Variants in CHRM3 observed in about 807,000 individuals in gnomAD.
CHRM3 encodes cholinergic receptor muscarinic 3.
Under a neutral mutation model 41.8 loss-of-function variants are expected in CHRM3, and 11 were observed. That is an observed-to-expected ratio of 0.26 (90% CI 0.17 to 0.44). The LOEUF (loss-of-function observed/expected upper bound fraction) is 0.44. Among genes scored for constraint, CHRM3 ranks in the 20% least tolerant of loss-of-function variants. The pLI is 1.00. For missense variants in CHRM3, 571 were observed against 745.4 expected (o/e 0.77, Z 2.72); for synonymous variants, 297 against 301.4 (o/e 0.99, Z 0.15).
intron 3 of CHRM3, among the ~76,000 whole-genome samples, chr1:239,548,361 C>T (rs1659491370): frequency 6.6e-6 from 1 of 152,192 alleles, no homozygotes; most frequent in South Asian, 2.1e-4. Flanking sequence ...TCACTTCTTC[C>T]TTATAAACCA....
chr1:239,693,957 G>A (rs187858332), intron 5 of CHRM3, among the ~76,000 whole-genome samples: 186 of 152,210 alleles, frequency 1.2e-3, no homozygotes, highest in South Asian at 3.5e-3. Context: ...ATGAATGACA[G>A]AAAGCCATAT....
chr1:239,536,904 C>A (rs1470150642), intron 2 of CHRM3, among the ~76,000 whole-genome samples: 1 of 152,148 alleles, frequency 6.6e-6, no homozygotes, highest in African/African-American at 2.4e-5. Context: ...TTGATGTATA[C>A]TGATAGAAAG....
chr1:239,757,724 A>G (rs1572195917), intron 5 of CHRM3, among the ~76,000 whole-genome samples: 1 of 152,340 alleles, frequency 6.6e-6, no homozygotes, highest in East Asian at 1.9e-4. Context: ...GTAGAAGTTC[A>G]ATAAAAGCCA....
At chr1:239,417,378 T>C (rs1661572267) in intron 1 of CHRM3, among the ~76,000 whole-genome samples, 2 of 152,180 alleles carry the variant, frequency 1.3e-5, no homozygotes, top group Non-Finnish European at 2.9e-5. Flanking sequence ...TATTTCTACA[T>C]GCCCTTCTGA....
chr1:239,460,869 A>G (rs1458519202), intron 1 of CHRM3, among the ~76,000 whole-genome samples: 4 of 152,348 alleles, frequency 2.6e-5, no homozygotes, highest in East Asian at 1.9e-4. Context: ...AGACAAATGT[A>G]TAGTGATTCC....
chr1:239,458,368 C>T (rs991232378), intron 1 of CHRM3, among the ~76,000 whole-genome samples: 3 of 152,056 alleles, frequency 2.0e-5, no homozygotes, highest in Non-Finnish European at 2.9e-5. Flanking sequence ...TGCTGTGTTT[C>T]GGGAAGTGGT....
intron 3 of CHRM3, among the ~76,000 whole-genome samples, chr1:239,598,226 T>G (rs992147599): frequency 6.6e-6 from 1 of 152,188 alleles, no homozygotes; most frequent in African/African-American, 2.4e-5. Flanking sequence ...TCTCCTATTA[T>G]TATTATTGTT....
chr1:239,658,218 C>A lies in CHRM3; in HGVS notation c.-249-19968C>A, dbSNP rs187172438. 2.5e-3 allele frequency among the ~76,000 whole-genome samples: 379 copies of A among 152,264 alleles called. 2 individuals are homozygous for A. The highest frequency in any genetic ancestry group is 8.3e-3 in the African/African-American group (345 of 41,566). On this transcript the variant is annotated intron_variant, in intron 4 of 6. Transcript: ENST00000676153. ...TCAAACAATAAAGCGAGTTTACTATCATAAAACAAATCTGTAGCTTTAAAA... is the reference window on the plus strand; with the variant it reads ...TCAAACAATAAAGCGAGTTTACTATAATAAAACAAATCTGTAGCTTTAAAA...
At chr1:239,421,075 C>G (rs1420754559) in intron 1 of CHRM3, among the ~76,000 whole-genome samples, 1 of 152,122 alleles carries the variant, frequency 6.6e-6, no homozygotes, top group Admixed American at 6.5e-5. Context: ...AGGAAATAAA[C>G]AATGATATAT....
At chr1:239,838,252 A>G (rs1377544558) in intron 6 of CHRM3, among the ~76,000 whole-genome samples, 1 of 152,190 alleles carries the variant, frequency 6.6e-6, no homozygotes, top group East Asian at 1.9e-4. Context: ...AGTAACTTTG[A>G]GTCACCCAAT....
chr1:239,428,629 A>G (rs1558216524), intron 1 of CHRM3, among the ~76,000 whole-genome samples: 1 of 152,204 alleles, frequency 6.6e-6, no homozygotes, highest in East Asian at 1.9e-4. Flanking sequence ...AAATTTTTTC[A>G]TCGTGTACTG....
chr1:239,600,553 TAAAG>T (rs1285286890), intron 3 of CHRM3, among the ~76,000 whole-genome samples: 1 of 152,196 alleles, frequency 6.6e-6, no homozygotes, highest in Non-Finnish European at 1.5e-5. Context: ...TGTTTTAACT[TAAAG>T]AAAAGAAGGG....
intron 5 of CHRM3, among the ~76,000 whole-genome samples, chr1:239,702,802 T>G (rs1012465544): frequency 6.6e-6 from 1 of 152,194 alleles, no homozygotes; most frequent in Non-Finnish European, 1.5e-5. Context: ...TTAATTCACT[T>G]AGTTATATAT....
intron 3 of CHRM3, among the ~76,000 whole-genome samples, chr1:239,625,042 C>G (rs1668882919): frequency 8.9e-5 from 5 of 56,236 alleles, no homozygotes; most frequent in Admixed American, 1.9e-4. Context: ...TGAAGAAAGT[C>G]ATTGGTAGCT....
intron 5 of CHRM3, among the ~76,000 whole-genome samples, chr1:239,761,816 A>G (rs1355994487): frequency 6.6e-6 from 1 of 152,108 alleles, no homozygotes; most frequent in African/African-American, 2.4e-5. Context: ...GTTGCACCGG[A>G]CAGATGTCTG....
chr1:239,808,659 T>C (rs780895055), intron 5 of CHRM3, among the ~76,000 whole-genome samples: 10 of 152,210 alleles, frequency 6.6e-5, no homozygotes, highest in Non-Finnish European at 1.5e-4. Flanking sequence ...AAGTGGATCA[T>C]GAAGGAAATG....
chr1:239,395,520 C>A (rs1475602644), intron 1 of CHRM3, among the ~76,000 whole-genome samples: 3 of 152,164 alleles, frequency 2.0e-5, no homozygotes, highest in South Asian at 4.1e-4. Flanking sequence ...CAAGTAAGAT[C>A]TCAACCTTCT....
chr1:239,520,636 CAGGT>C lies in CHRM3; in HGVS notation c.-421-25002_-421-24999del, dbSNP rs1558285460. The stretch of plus-strand genomic sequence containing the variant: ...TCTTTTCTTTGTAAATTTCCAGTCT[CAGGT>C]AGTTCTTTATTGCAATGCAGGAACA... On this transcript the variant is annotated intron_variant, in intron 2 of 6. Transcript: ENST00000676153. Among the ~76,000 whole-genome samples the C allele has an allele frequency of 5.3e-5, 8 of 152,124 alleles. 1 individual carries two copies. The highest frequency in any genetic ancestry group is 4.1e-4 in the South Asian group (2 of 4,828).
intron 6 of CHRM3, among the ~76,000 whole-genome samples, chr1:239,858,849 T>C (rs1675341533): frequency 6.6e-6 from 1 of 152,188 alleles, no homozygotes; most frequent in African/African-American, 2.4e-5. Flanking sequence ...ATAAATAGAA[T>C]TGTATAGTAT....
Sources: gnomAD v4.1 joint callset for allele counts (sites outside exome capture counted in the v4.1 genomes callset) on GRCh38, gnomAD v4.1.1 for gene constraint, MANE v1.5 for transcripts, NCBI Gene and HGNC (gene_info 2026-07-23, HGNC 2026-07-21) for gene names.